C8orf34: variants seen among roughly 807,000 people sequenced by gnomAD.
C8orf34 encodes chromosome 8 open reading frame 34, also known as uncharacterized protein C8orf34.
C8orf34 carries 65 observed loss-of-function variants against 68.3 expected under a neutral mutation model. The observed-to-expected ratio is 0.95, with a 90% CI of 0.78 to 1.17. C8orf34 has a LOEUF of 1.17. Ranked by LOEUF, C8orf34 falls within the 50% of genes most tolerant of loss-of-function variation. C8orf34 has a pLI of 0.00. For synonymous variants in C8orf34, 244 were observed against 241.2 expected (o/e 1.01, Z -0.11); for missense variants, 664 against 655.4 (o/e 1.01, Z -0.14).
At chr8:68,525,061 T>C (rs1814918153) in intron 6 of C8orf34, among the ~76,000 whole-genome samples, 1 of 152,160 alleles carries the variant, frequency 6.6e-6, no homozygotes, top group African/African-American at 2.4e-5. Context: ...GTGTATGAAA[T>C]ATTAAAATAA....
chr8:68,672,869 C>A (rs966043406), intron 8 of C8orf34, among the ~76,000 whole-genome samples: 2 of 152,160 alleles, frequency 1.3e-5, no homozygotes, highest in Non-Finnish European at 2.9e-5. Context: ...CACCTCCCCT[C>A]CACTTGAGGA....
chr8:68,428,745 G>A (rs1810332595), intron 1 of C8orf34, among the ~76,000 whole-genome samples: 1 of 152,082 alleles, frequency 6.6e-6, no homozygotes, highest in African/African-American at 2.4e-5. Context: ...GATGGCATAA[G>A]ACTGACAAAT....
intron 5 of C8orf34, among the ~76,000 whole-genome samples, chr8:68,509,684 A>G (rs1273608167): frequency 6.6e-6 from 1 of 152,174 alleles, no homozygotes; most frequent in Non-Finnish European, 1.5e-5. Flanking sequence ...CTGAAGATGA[A>G]TGGCTAACCC....
chr8:68,723,831 C>A (rs1328274427), intron 10 of C8orf34, among the ~76,000 whole-genome samples: 2 of 151,980 alleles, frequency 1.3e-5, no homozygotes, highest in African/African-American at 2.4e-5. Flanking sequence ...TTTATTTGAC[C>A]GAAGTTTTCA....
At chr8:68,659,657 T>C (rs538995767) in intron 8 of C8orf34, among the ~76,000 whole-genome samples, 2 of 152,268 alleles carry the variant, frequency 1.3e-5, no homozygotes, top group East Asian at 3.9e-4. Context: ...TCCTTGACTC[T>C]GAAAAACAGA....
chr8:68,655,294 G>A (rs766546687), intron 8 of C8orf34, among the ~76,000 whole-genome samples: 1 of 151,812 alleles, frequency 6.6e-6, no homozygotes, highest in Non-Finnish European at 1.5e-5. Context: ...GCTACTAAAA[G>A]GTAAAACATA....
intron 9 of C8orf34, among the ~76,000 whole-genome samples, chr8:68,720,425 G>A (rs1345152233): frequency 1.3e-5 from 2 of 151,836 alleles, no homozygotes; most frequent in Admixed American, 6.6e-5. Flanking sequence ...AAGATTTCAT[G>A]CTCTAATTCT....
At chr8:68,415,758 T>A (rs113940374) in intron 1 of C8orf34, among the ~76,000 whole-genome samples, 3,163 of 152,328 alleles carry the variant, frequency 0.021, 106 homozygotes, top group African/African-American at 0.071. Flanking sequence ...TTGATCTGTC[T>A]TCCTTTCAGG....
chr8:68,422,384 C>A (rs1379222005), intron 1 of C8orf34, among the ~76,000 whole-genome samples: 1 of 152,126 alleles, frequency 6.6e-6, no homozygotes, highest in African/African-American at 2.4e-5. Flanking sequence ...GCTACAGGCC[C>A]CATGCAAGTC....
intron 8 of C8orf34, among the ~76,000 whole-genome samples, chr8:68,705,339 G>A (rs944131022): frequency 6.6e-6 from 1 of 152,166 alleles, no homozygotes; most frequent in Middle Eastern, 3.4e-3. Context: ...AGAGCTGAGG[G>A]AAAATATAAT....
intron 3 of C8orf34, among the ~76,000 whole-genome samples, chr8:68,459,312 C>T (rs1290958002): frequency 6.6e-6 from 1 of 152,146 alleles, no homozygotes; most frequent in Non-Finnish European, 1.5e-5. Context: ...TCACTGCAAC[C>T]TCCGTCTCCC....
intron 2 of C8orf34, among the ~76,000 whole-genome samples, chr8:68,445,938 C>T (rs1017742125): frequency 4.6e-5 from 7 of 151,964 alleles, no homozygotes; most frequent in Admixed American, 6.6e-5. Flanking sequence ...TACAGACGCC[C>T]GCCATCATGC....
At chr8:68,534,063 A>T (rs1448521236) in intron 7 of C8orf34, 1 of 983,746 alleles carries the variant, frequency 1.0e-6, no homozygotes, top group Non-Finnish European at 1.2e-6. Flanking sequence ...TTTTGTTAAA[A>T]ATGAGATTCC....
chr8:68,604,874 A>C (rs1464284555), intron 7 of C8orf34, among the ~76,000 whole-genome samples: 1 of 152,152 alleles, frequency 6.6e-6, no homozygotes, highest in African/African-American at 2.4e-5. Flanking sequence ...GAAAATTAAA[A>C]ACTTCTGCTC....
intron 1 of C8orf34, chr8:68,438,454 A>C (rs538407566): frequency 6.6e-6 from 1 of 152,290 alleles, no homozygotes; most frequent in Non-Finnish European, 1.5e-5. Context: ...CAAAGGAAAC[A>C]GACCACCACC....
intron 3 of C8orf34, among the ~76,000 whole-genome samples, chr8:68,456,949 G>A (rs1301901180): frequency 6.6e-6 from 1 of 152,188 alleles, no homozygotes; most frequent in Non-Finnish European, 1.5e-5. Context: ...CAGAATTTTG[G>A]CAGAAATGAC....
At chr8:68,483,165 A>C (rs1011028493) in intron 4 of C8orf34, among the ~76,000 whole-genome samples, 1 of 152,202 alleles carries the variant, frequency 6.6e-6, no homozygotes, top group Non-Finnish European at 1.5e-5. Context: ...GCCTGGAAAG[A>C]TGGAAGTCTT....
chr8:68,551,601 G>A (rs936546978), intron 7 of C8orf34, among the ~76,000 whole-genome samples: 2 of 152,086 alleles, frequency 1.3e-5, no homozygotes, highest in South Asian at 2.1e-4. Context: ...ATGTCTTGTA[G>A]TTCTTTCCTG....
intron 3 of C8orf34, among the ~76,000 whole-genome samples, chr8:68,463,720 G>A (rs770630447): frequency 2.4e-4 from 36 of 152,078 alleles, no homozygotes; most frequent in Non-Finnish European, 4.3e-4. Flanking sequence ...ATGCAGAAAA[G>A]GCCTTTGAAA....
Sources: gnomAD v4.1 joint callset for allele counts (sites outside exome capture counted in the v4.1 genomes callset) on GRCh38, gnomAD v4.1.1 for gene constraint, MANE v1.5 for transcripts, NCBI Gene and HGNC (gene_info 2026-07-23, HGNC 2026-07-21) for gene names.